The following SAMD4A variants were observed in gnomAD, a reference collection of about 807,000 sequenced individuals.
The protein encoded by SAMD4A is sterile alpha motif domain containing 4A.
In SAMD4A, 33 loss-of-function variants were observed where a neutral mutation model predicts 81.3. The ratio of observed to expected loss-of-function variants is 0.41; its 90% CI spans 0.31 to 0.54. The LOEUF (loss-of-function observed/expected upper bound fraction) is 0.54. Among genes scored for constraint, SAMD4A ranks in the 20% least tolerant of loss-of-function variants. The pLI, the probability that SAMD4A is intolerant of heterozygous loss-of-function variation, is 0.37. For synonymous variants in SAMD4A, 389 were observed against 382.1 expected (o/e 1.02, Z -0.21); for missense variants, 854 against 951.1 (o/e 0.90, Z 1.34).
chr14:54,685,021 A>C, intron 2 of SAMD4A, among the ~76,000 whole-genome samples: 1 of 152,214 alleles, frequency 6.6e-6, no homozygotes, highest in Non-Finnish European at 1.5e-5. Context: ...GTTAGAAAAA[A>C]CTGGAGACTG....
intron 11 of SAMD4A, among the ~76,000 whole-genome samples, chr14:54,783,668 CAGAG>C (rs1405317451): frequency 2.0e-5 from 3 of 152,220 alleles, no homozygotes; most frequent in African/African-American, 4.8e-5. Flanking sequence ...GCTCTGGAGT[CAGAG>C]AGGGTCTTGT....
At chr14:54,614,459 C>G (rs2034442978) in intron 2 of SAMD4A, among the ~76,000 whole-genome samples, 1 of 152,106 alleles carries the variant, frequency 6.6e-6, no homozygotes, top group Non-Finnish European at 1.5e-5. Flanking sequence ...TGTTTGGATA[C>G]TGGAAAAATT....
intron 2 of SAMD4A, among the ~76,000 whole-genome samples, chr14:54,645,217 A>G (rs2035260930): frequency 6.6e-6 from 1 of 152,318 alleles, no homozygotes; most frequent in East Asian, 1.9e-4. Context: ...CTACAATCCC[A>G]GGACTTTGGG....
intron 2 of SAMD4A, among the ~76,000 whole-genome samples, chr14:54,623,831 CTA>C (rs2034680003): frequency 6.6e-6 from 1 of 152,196 alleles, no homozygotes; most frequent in African/African-American, 2.4e-5. Context: ...AGGAAATGGA[CTA>C]TGGCTGCCCA....
intron 2 of SAMD4A, among the ~76,000 whole-genome samples, chr14:54,697,271 A>T (rs1253565392): frequency 6.6e-6 from 1 of 152,222 alleles, no homozygotes; most frequent in Admixed American, 6.5e-5. Flanking sequence ...AGACACTGCA[A>T]TGCTGGCTGG....
intron 4 of SAMD4A, among the ~76,000 whole-genome samples, chr14:54,737,561 T>TTTTCTTTTTTG (rs34263162): frequency 4.9e-5 from 6 of 122,608 alleles, no homozygotes; most frequent in African/African-American, 1.9e-4. Context: ...TTTTTTTTTT[T>TTTTCTTTTTTG]GCATTGCAGT....
intron 5 of SAMD4A, among the ~76,000 whole-genome samples, chr14:54,749,513 C>A (rs2140970842): frequency 6.6e-6 from 1 of 152,264 alleles, no homozygotes; most frequent in Non-Finnish European, 1.5e-5. Context: ...ATATTTTTTT[C>A]TTCTAACATG....
At chr14:54,677,514 A>T (rs2036017771) in intron 2 of SAMD4A, among the ~76,000 whole-genome samples, 1 of 152,232 alleles carries the variant, frequency 6.6e-6, no homozygotes, top group Non-Finnish European at 1.5e-5. Flanking sequence ...CCCAGGCTGC[A>T]CAATGCCATG....
chr14:54,764,970 A>ATG (rs989294365), intron 8 of SAMD4A, among the ~76,000 whole-genome samples: 10 of 152,118 alleles, frequency 6.6e-5, no homozygotes, highest in African/African-American at 1.2e-4. Context: ...GAATGTGTAT[A>ATG]TGTGTGTGTG....
intron 6 of SAMD4A, among the ~76,000 whole-genome samples, chr14:54,754,509 C>T (rs1241680042): frequency 3.3e-5 from 5 of 152,174 alleles, no homozygotes; most frequent in African/African-American, 7.2e-5. Context: ...GAGGCAGTCT[C>T]TCTCAGGCAT....
At chr14:54,762,551 T>C (rs758623970) in intron 7 of SAMD4A, among the ~76,000 whole-genome samples, 31 of 148,232 alleles carry the variant, frequency 2.1e-4, no homozygotes, top group Non-Finnish European at 4.0e-4. Context: ...GATTTCCCCA[T>C]GGGTGAAGAC....
intron 3 of SAMD4A, among the ~76,000 whole-genome samples, chr14:54,733,092 G>A (rs991986485): frequency 2.0e-5 from 3 of 152,114 alleles, no homozygotes; most frequent in African/African-American, 4.8e-5. Flanking sequence ...AAATCATTAG[G>A]TTAGATGAGG....
At chr14:54,788,832 C>G in intron 12 of SAMD4A, 84 bp from the exon 13 acceptor site, 1 of 1,556,796 alleles carries the variant, frequency 6.4e-7, no homozygotes, top group Non-Finnish European at 8.9e-7. Context: ...CTGGGAGGCC[C>G]ACCGTGCATG....
chr14:54,702,433 T>A lies in SAMD4A; in HGVS notation c.568T>A (p.Trp190Arg). ...RQNSDDKLNG[W>R]QNSRDSGICI... ...GAACTCTGATGACAAGCTCAATGGG[T>A]GGCAGAACTCTCGGGATTCTGGGAT... The change falls in exon 3 of 13, where the codon TGG (tryptophan) becomes AGG (arginine). Residue 190 changes from tryptophan to arginine, a missense_variant. By Grantham distance (101) the Trp-to-Arg change is moderately radical. Around this residue, in one of 3 missense-constraint regions of SAMD4A, gnomAD observed 387 missense variants for 405.8 expected, o/e 0.95. Transcript: ENST00000554335. 6.2e-7 allele frequency: 1 copy of A among 1,614,104 alleles called. No homozygotes were observed. Among genetic ancestry groups the A allele is most frequent in the Non-Finnish European group, 8.5e-7 (1 of 1,179,984 alleles).
intron 9 of SAMD4A, among the ~76,000 whole-genome samples, chr14:54,774,170 A>C (rs929284978): frequency 9.2e-5 from 14 of 152,248 alleles, no homozygotes; most frequent in African/African-American, 3.1e-4. Context: ...GAACCTGCTG[A>C]GCCTGCGTGC....
intron 2 of SAMD4A, among the ~76,000 whole-genome samples, chr14:54,669,553 G>A (rs1420665951): frequency 6.8e-6 from 1 of 147,694 alleles, no homozygotes; most frequent in Non-Finnish European, 1.5e-5. Flanking sequence ...TGAACTCCTA[G>A]GCTCAAGCAG....
chr14:54,763,933 T>C (rs2038470500), intron 7 of SAMD4A, among the ~76,000 whole-genome samples: 1 of 151,918 alleles, frequency 6.6e-6, no homozygotes, highest in African/African-American at 2.4e-5. Context: ...AGCAACCCTC[T>C]GAGGAGTGAG....
intron 2 of SAMD4A, among the ~76,000 whole-genome samples, chr14:54,667,403 T>C (rs1034676900): frequency 6.6e-5 from 10 of 152,222 alleles, no homozygotes; most frequent in African/African-American, 2.4e-4. Context: ...TTTTCTTCCC[T>C]AGGGGTCTCC....
chr14:54,757,894 G>C (rs1406256161), intron 6 of SAMD4A, among the ~76,000 whole-genome samples: 2 of 152,126 alleles, frequency 1.3e-5, no homozygotes, highest in Non-Finnish European at 2.9e-5. Flanking sequence ...TGCTCTCCTG[G>C]CATGGGTCAG....
Sources: allele counts gnomAD v4.1 joint callset (sites outside exome capture counted in the v4.1 genomes callset), GRCh38; gene constraint gnomAD v4.1.1; regional missense constraint gnomAD v4.1.1; transcripts MANE v1.5; gene names NCBI Gene and HGNC (gene_info 2026-07-23, HGNC 2026-07-21).